The following CCNT2 variants were observed in gnomAD, a reference collection of about 807,000 sequenced individuals.
CCNT2 encodes cyclin-T2.
In CCNT2, 18 loss-of-function variants were observed where a neutral mutation model predicts 70.0. That is an observed-to-expected ratio of 0.26 (90% CI 0.18 to 0.38). The LOEUF (loss-of-function observed/expected upper bound fraction) is 0.38, where lower values mean the gene tolerates loss of function less well. Ranked by LOEUF, CCNT2 falls within the 10% of genes least tolerant of loss-of-function variation. The pLI is 1.00. For missense variants in CCNT2, 734 were observed against 890.2 expected, an observed-to-expected ratio of 0.82 and a Z score of 2.23; for synonymous variants, 334 against 313.3, an observed-to-expected ratio of 1.07 and a Z score of -0.70.
chr2:134,931,792 A>C (rs1301774069), intron 2 of CCNT2, among the ~76,000 whole-genome samples: 1 of 151,982 alleles, frequency 6.6e-6, no homozygotes, highest in Non-Finnish European at 1.5e-5. Context: ...AAGAGAAGGG[A>C]TCTCACTCTG....
rs150382328 is a variant in CCNT2, at chr2:134,931,152, C to T, written c.241-5689C>T. Among the ~76,000 whole-genome samples, 20 of 151,018 alleles carry T rather than the reference C, an allele frequency of 1.3e-4. 2 individuals are homozygous for T. Among genetic ancestry groups the T allele is most frequent in the African/African-American group, 4.4e-4 (18 of 41,134 alleles). On this transcript the variant is annotated intron_variant, in intron 2 of 8. Coordinates refer to ENST00000264157, the MANE Select transcript of CCNT2 (RefSeq NM_058241.3). ...TGATTTTTTGTATTTTTAGTAGAGACGGGGTTTCACCGTGTTAGCCAGGAT... is the reference window on the plus strand; with the variant it reads ...TGATTTTTTGTATTTTTAGTAGAGATGGGGTTTCACCGTGTTAGCCAGGAT...
At chr2:134,922,841 C>A (rs1680011611) in intron 2 of CCNT2, among the ~76,000 whole-genome samples, 1 of 152,098 alleles carries the variant, frequency 6.6e-6, no homozygotes, top group South Asian at 2.1e-4. Flanking sequence ...GTAAAGAGCA[C>A]ACCCTTTTCT....
intron 2 of CCNT2, among the ~76,000 whole-genome samples, chr2:134,924,801 A>C (rs1191018100): frequency 2.0e-5 from 3 of 152,104 alleles, no homozygotes. Context: ...CCAACTCTGC[A>C]TTCCCAAATA....
chr2:134,949,070 G>C (rs1682234286), intron 7 of CCNT2, among the ~76,000 whole-genome samples: 2 of 151,826 alleles, frequency 1.3e-5, no homozygotes, highest in South Asian at 4.2e-4. Context: ...CCCCAAGCTG[G>C]AGCGCAGTGG....
chr2:134,928,300 C>T (rs1432257963), intron 2 of CCNT2, among the ~76,000 whole-genome samples: 1 of 80,258 alleles, frequency 1.2e-5, no homozygotes, highest in Non-Finnish European at 2.2e-5. Flanking sequence ...TTTTCTGAGA[C>T]GGAGTTTCAT....
At chr2:134,929,450 A>T (rs939247561) in intron 2 of CCNT2, among the ~76,000 whole-genome samples, 41 of 150,846 alleles carry the variant, frequency 2.7e-4, no homozygotes, top group South Asian at 8.4e-4. Flanking sequence ...AAATTAATTT[A>T]AAAAAAAATT....
chr2:134,923,620 A>G (rs1325727970), intron 2 of CCNT2, among the ~76,000 whole-genome samples: 2 of 152,254 alleles, frequency 1.3e-5, no homozygotes, highest in African/African-American at 4.8e-5. Flanking sequence ...ATTAGCCTAG[A>G]TGATTTTTAA....
In CCNT2 at chr2:134,928,257, G is replaced by C. The variant is rs566912102; in HGVS notation, c.240+8366G>C. Among the ~76,000 whole-genome samples the C allele has an allele frequency of 1.4e-4, 18 of 129,704 alleles. No homozygotes were observed. The South Asian group carries it at 4.1e-3, about 30-fold the overall frequency. 85.1% of individuals were successfully genotyped at this position (129,704 alleles called of 152,430 possible). ...GATTACAGCATGAGCCACCATGCCCGGCCTCACATTGTATTTCTTTTTTTT... is the reference window on the plus strand; with the variant it reads ...GATTACAGCATGAGCCACCATGCCCCGCCTCACATTGTATTTCTTTTTTTT... On this transcript the variant is annotated intron_variant, in intron 2 of 8. Transcript: ENST00000264157.
chr2:134,923,416 G>A (rs1276236106), intron 2 of CCNT2, among the ~76,000 whole-genome samples: 3 of 152,204 alleles, frequency 2.0e-5, no homozygotes, highest in African/African-American at 7.2e-5. Context: ...CTAAGCAGGT[G>A]TTTATAGCTT....
At chr2:134,943,603 T>C in intron 5 of CCNT2, 1 of 985,014 alleles carries the variant, frequency 1.0e-6, no homozygotes, top group Non-Finnish European at 1.2e-6. Flanking sequence ...AGGAGTACTT[T>C]TTAAAAATAT....
intron 4 of CCNT2, among the ~76,000 whole-genome samples, chr2:134,940,749 G>A (rs780384853): frequency 6.6e-6 from 1 of 152,134 alleles, no homozygotes; most frequent in Non-Finnish European, 1.5e-5. Context: ...TATTTAGTGC[G>A]ATACTGGAAA....
At chr2:134,945,165 A>T (rs895307767) in intron 5 of CCNT2, 1 of 985,370 alleles carries the variant, frequency 1.0e-6, no homozygotes. Context: ...TAAAACCTTT[A>T]TGTTGATGAT....
At position 134,953,797 on chromosome 2, in the gene CCNT2, C is replaced by T; in HGVS notation, c.1342C>T (p.Leu448Phe). The T allele has an allele frequency of 6.2e-7, 1 of 1,613,934 alleles. No homozygotes were observed. Among genetic ancestry groups the T allele is most frequent in the Non-Finnish European group, 8.5e-7 (1 of 1,179,876 alleles). Residue 448 changes from leucine to phenylalanine, a missense_variant, in exon 9 of 9, where the codon CTT (leucine) becomes TTT (phenylalanine). Coordinates refer to ENST00000264157, the MANE Select transcript of CCNT2 (RefSeq NM_058241.3). Reference protein sequence around the residue: ...KYREKRKLETLDLDVRDHYIA... With the variant: ...KYREKRKLETFDLDVRDHYIA... ...TAGAGAAAAGCGTAAACTAGAAACT[C>T]TTGATCTCGATGTAAGGGATCATTA...
chr2:134,948,006 A>C (rs1232134977), intron 7 of CCNT2, 107 bp downstream of exon 7: 2 of 588,478 alleles, frequency 3.4e-6, no homozygotes, highest in East Asian at 6.2e-5. Context: ...GAATGAAAAC[A>C]ACAATTCATC....
intron 2 of CCNT2, among the ~76,000 whole-genome samples, chr2:134,935,483 AT>A (rs1681080243): frequency 2.0e-5 from 3 of 152,098 alleles, no homozygotes; most frequent in Admixed American, 6.5e-5. Context: ...TCTGTCAGAA[AT>A]TTTCTTCACC....
intron 2 of CCNT2, among the ~76,000 whole-genome samples, chr2:134,932,341 A>G (rs1476955065): frequency 1.3e-5 from 2 of 151,900 alleles, no homozygotes; most frequent in Admixed American, 6.6e-5. Flanking sequence ...ATGCTCAGGT[A>G]CTCCCCACTA....
intron 2 of CCNT2, among the ~76,000 whole-genome samples, chr2:134,933,509 G>T (rs1680929696): frequency 6.6e-6 from 1 of 152,152 alleles, no homozygotes; most frequent in Non-Finnish European, 1.5e-5. Flanking sequence ...AATGGAGAAG[G>T]AAGGGAGTCA....
intron 3 of CCNT2, 58 bp downstream of exon 3, chr2:134,937,027 T>C: frequency 7.7e-7 from 1 of 1,295,656 alleles, no homozygotes; most frequent in South Asian, 1.3e-5. Flanking sequence ...TTTCATAATG[T>C]AGGCCTAACA....
intron 2 of CCNT2, among the ~76,000 whole-genome samples, chr2:134,930,260 C>G (rs1489110288): frequency 1.3e-5 from 2 of 152,198 alleles, no homozygotes; most frequent in Non-Finnish European, 2.9e-5. Flanking sequence ...TATGGTCTTT[C>G]ACGAAGCATG....
Sources: gnomAD v4.1 joint callset for allele counts (sites outside exome capture counted in the v4.1 genomes callset) on GRCh38, gnomAD v4.1.1 for gene constraint, MANE v1.5 for transcripts, NCBI Gene and HGNC (gene_info 2026-07-23, HGNC 2026-07-21) for gene names.